Variants in HYCC2 observed in about 807,000 individuals in gnomAD.
HYCC2 encodes hyccin 2.
chr2:200,983,916 G>A, the HYCC2 span, among the ~76,000 whole-genome samples: 2 of 152,142 alleles, frequency 1.3e-5, no homozygotes, highest in Non-Finnish European at 2.9e-5. Context: ...AAGCCACCAT[G>A]CAAGAGAATC....
At chr2:201,017,009 C>A in the HYCC2 span, 1 of 1,613,134 alleles carries the variant, frequency 6.2e-7, no homozygotes, top group Non-Finnish European at 8.5e-7. Context: ...AAATTCCTAA[C>A]AGAAGTGCTT....
At chr2:201,065,639 C>G in the HYCC2 span, among the ~76,000 whole-genome samples, 5 of 152,170 alleles carry the variant, frequency 3.3e-5, no homozygotes, top group East Asian at 7.7e-4. Flanking sequence ...AAGGTAAAGT[C>G]AACAGAACCT....
chr2:201,027,308 T>C, the HYCC2 span, among the ~76,000 whole-genome samples: 5 of 151,964 alleles, frequency 3.3e-5, no homozygotes, highest in Admixed American at 6.6e-5. Context: ...GTTCTGAAAC[T>C]GAGGTAATAA....
chr2:200,977,664 A>C, the HYCC2 span: 1 of 152,512 alleles, frequency 6.6e-6, no homozygotes, highest in Admixed American at 6.5e-5. Flanking sequence ...CAGCCTGGGC[A>C]ACATGGCAAA....
At chr2:201,024,550 C>T in the HYCC2 span, among the ~76,000 whole-genome samples, 1 of 152,170 alleles carries the variant, frequency 6.6e-6, no homozygotes, top group Non-Finnish European at 1.5e-5. Flanking sequence ...TATCCTAATG[C>T]TTTCATATTT....
the HYCC2 span, among the ~76,000 whole-genome samples, chr2:201,051,253 A>T: frequency 1.3e-5 from 2 of 152,242 alleles, no homozygotes; most frequent in South Asian, 4.1e-4. Flanking sequence ...AAAAGCCTAT[A>T]GCAAGTATCA....
the HYCC2 span, among the ~76,000 whole-genome samples, chr2:201,031,752 G>A: frequency 6.6e-6 from 1 of 152,126 alleles, no homozygotes; most frequent in African/African-American, 2.4e-5. Context: ...CAATCTGGAG[G>A]TTATTTTAGA....
the HYCC2 span, among the ~76,000 whole-genome samples, chr2:201,030,185 A>G: frequency 6.6e-6 from 1 of 152,198 alleles, no homozygotes; most frequent in African/African-American, 2.4e-5. Flanking sequence ...CAACTCCCTT[A>G]TCTCTATTGC....
the HYCC2 span, among the ~76,000 whole-genome samples, chr2:201,059,941 A>G: frequency 6.6e-6 from 1 of 150,490 alleles, no homozygotes; most frequent in South Asian, 2.1e-4. Context: ...GCTACTTGGG[A>G]GGCTGAGGTG....
the HYCC2 span, among the ~76,000 whole-genome samples, chr2:201,035,246 A>G: frequency 2.0e-5 from 3 of 152,246 alleles, no homozygotes; most frequent in African/African-American, 7.2e-5. Flanking sequence ...CACCAATCAG[A>G]CGTAGATTTG....
At chr2:201,069,745 C>G in the HYCC2 span, among the ~76,000 whole-genome samples, 5 of 152,054 alleles carry the variant, frequency 3.3e-5, no homozygotes, top group Non-Finnish European at 7.4e-5. Context: ...GAACAAAACA[C>G]CAAACATCAA....
chr2:201,012,623 T>C, the HYCC2 span, among the ~76,000 whole-genome samples: 1 of 152,168 alleles, frequency 6.6e-6, no homozygotes, highest in African/African-American at 2.4e-5. Flanking sequence ...TTTCTCCATC[T>C]CTGGCACCTC....
At chr2:201,004,043 T>G in the HYCC2 span, among the ~76,000 whole-genome samples, 4 of 152,088 alleles carry the variant, frequency 2.6e-5, no homozygotes, top group Admixed American at 2.6e-4. Context: ...CTCAAACTCC[T>G]GACCTCAGGT....
the HYCC2 span, chr2:200,977,282 T>C: frequency 2.6e-5 from 4 of 152,066 alleles, no homozygotes; most frequent in Admixed American, 6.6e-5. Flanking sequence ...CCCAAACCCA[T>C]GGGAGACTGG....
At chr2:201,060,052 AGC>A in the HYCC2 span, among the ~76,000 whole-genome samples, 1 of 46,762 alleles carries the variant, frequency 2.1e-5, no homozygotes, top group Admixed American at 2.7e-4. Context: ...CTAAAAAAAA[AGC>A]GGGGGGGGGG....
the HYCC2 span, among the ~76,000 whole-genome samples, chr2:201,030,648 G>C: frequency 3.4e-5 from 5 of 148,982 alleles, no homozygotes; most frequent in South Asian, 2.1e-4. Context: ...GCGAGATCTT[G>C]GCTCACTGCA....
the HYCC2 span, among the ~76,000 whole-genome samples, chr2:201,069,619 A>G: frequency 2.0e-5 from 3 of 151,976 alleles, no homozygotes; most frequent in Non-Finnish European, 2.9e-5. Flanking sequence ...ACACACACGC[A>G]TAAAAGCAAA....
the HYCC2 span, among the ~76,000 whole-genome samples, chr2:201,017,496 T>G: frequency 3.9e-5 from 6 of 152,228 alleles, no homozygotes; most frequent in African/African-American, 1.4e-4. Flanking sequence ...ATCAACTCTA[T>G]CTTCCATTTC....
At chr2:201,057,291 A>G in the HYCC2 span, among the ~76,000 whole-genome samples, 1 of 152,236 alleles carries the variant, frequency 6.6e-6, no homozygotes, top group Admixed American at 6.5e-5. Context: ...CTTTAAGTCA[A>G]ATGTGACCTT....
Sources: allele counts gnomAD v4.1 joint callset (sites outside exome capture counted in the v4.1 genomes callset), GRCh38; gene constraint gnomAD v4.1.1; transcripts MANE v1.5; gene names NCBI Gene and HGNC (gene_info 2026-07-23, HGNC 2026-07-21).